The following CPNE5 variants were observed in gnomAD, a reference collection of about 807,000 sequenced individuals.
CPNE5 encodes copine 5.
Under a neutral mutation model 81.1 loss-of-function variants are expected in CPNE5, and 42 were observed. The ratio of observed to expected loss-of-function variants is 0.52; its 90% confidence interval spans 0.40 to 0.67. The LOEUF (loss-of-function observed/expected upper bound fraction) is 0.67, where lower values mean the gene tolerates loss of function less well. Ranked by LOEUF, CPNE5 falls within the 30% of genes least tolerant of loss-of-function variation. CPNE5 has a pLI of 0.00. For missense variants in CPNE5, 612 were observed against 815.5 expected, an observed-to-expected ratio of 0.75 and a Z score of 3.04; for synonymous variants, 313 against 321.5, an observed-to-expected ratio of 0.97 and a Z score of 0.28.
At chr6:36,756,339 G>T in intron 12 of CPNE5, 41 bp from the exon 13 acceptor site, 2 of 1,584,050 alleles carry the variant, frequency 1.3e-6, no homozygotes, top group South Asian at 1.1e-5. Context: ...ATGCTTCCAG[G>T]CAGTCAGGGT....
chr6:36,781,838 G>A (rs1381861458), intron 8 of CPNE5, among the ~76,000 whole-genome samples: 1 of 152,168 alleles, frequency 6.6e-6, no homozygotes. Flanking sequence ...TCTGCAGCTG[G>A]CCCTGTCTCC....
chr6:36,765,202 G>C, intron 11 of CPNE5, 133 bp downstream of exon 11: 483 of 499,838 alleles, frequency 9.7e-4, no homozygotes, highest in Middle Eastern at 2.4e-3. Context: ...CCACACACAC[G>C]CAAACCCAGG....
intron 6 of CPNE5, among the ~76,000 whole-genome samples, chr6:36,796,408 T>A (rs1309895083): frequency 6.6e-6 from 1 of 152,196 alleles, no homozygotes; most frequent in Non-Finnish European, 1.5e-5. Context: ...AAATGACTAG[T>A]GGCTTTGGAC....
intron 10 of CPNE5, among the ~76,000 whole-genome samples, chr6:36,768,255 G>A (rs1322195933): frequency 2.3e-4 from 3 of 13,300 alleles, no homozygotes; most frequent in Non-Finnish European, 3.7e-4. Flanking sequence ...TTTTTTTTGA[G>A]ACAGAGTCTC....
chr6:36,823,805 G>A (rs1367717487), intron 1 of CPNE5, among the ~76,000 whole-genome samples: 2 of 152,180 alleles, frequency 1.3e-5, no homozygotes, highest in Admixed American at 6.5e-5. Flanking sequence ...CAGGCAGTGC[G>A]CTGTTTTACA....
Position 36,742,297 on chromosome 6 carries a change from G to A in CPNE5, c.1753C>T (p.Pro585Ser), listed in dbSNP as rs771478101. ...SPSQSPARTPPASPLHTHI is the reference protein window; with the variant it reads ...SPSQSPARTPSASPLHTHI ...ATGTGCGTGTGCAGGGGGGACGCAGGGGGCGTGCGGGCTGGGGACTGCGAG... is the reference window on the plus strand; with the variant it reads ...ATGTGCGTGTGCAGGGGGGACGCAGAGGGCGTGCGGGCTGGGGACTGCGAG... The change falls in exon 21 of 21, where the codon CCT becomes TCT. Residue 585 changes from proline to serine, a missense_variant. By Grantham distance (74) the Pro-to-Ser change is moderately conservative. Coordinates refer to ENST00000244751, the MANE Select transcript of CPNE5 (RefSeq NM_020939.2). The A allele has an allele frequency of 2.5e-6, 4 of 1,602,358 alleles. No individual in the cohort carries two copies. Among genetic ancestry groups the A allele is most frequent in the Middle Eastern group, 1.7e-4 (1 of 5,972 alleles).
At chr6:36,818,293 C>A (rs1391455174) in intron 3 of CPNE5, among the ~76,000 whole-genome samples, 1 of 152,204 alleles carries the variant, frequency 6.6e-6, no homozygotes. Flanking sequence ...CTCCCATTTT[C>A]TTCCATCCAT....
chr6:36,753,190 G>A lies in CPNE5; in HGVS notation c.910-95C>T, dbSNP rs896388740. The A allele has an allele frequency of 1.3e-5, 13 of 1,030,120 alleles. No individual in the cohort carries two copies. The African/African-American group carries it at 1.9e-4, about 15-fold the overall frequency. The allele number at this position is 1,030,120 out of a possible 1,614,324, so 63.8% of individuals were successfully genotyped here. ...CTGACATTGACAGAACACTCGGCAT[G>A]TGCCAGTTTTGCATGCATGACTGCA... On this transcript the variant is annotated intron_variant, in intron 13 of 20. Transcript: ENST00000244751.
At chr6:36,796,460 T>G (rs771119620) in intron 6 of CPNE5, among the ~76,000 whole-genome samples, 1 of 152,118 alleles carries the variant, frequency 6.6e-6, no homozygotes, top group Non-Finnish European at 1.5e-5. Flanking sequence ...CCCTCCCTCA[T>G]AGGGCATCTC....
chr6:36,758,198 C>T (rs968276104), intron 12 of CPNE5, among the ~76,000 whole-genome samples: 7 of 152,112 alleles, frequency 4.6e-5, no homozygotes, highest in African/African-American at 1.7e-4. Flanking sequence ...ACCTGCCTCC[C>T]GGAAAGGTAT....
chr6:36,822,405 C>T (rs994312646), intron 2 of CPNE5, among the ~76,000 whole-genome samples: 2 of 151,948 alleles, frequency 1.3e-5, no homozygotes, highest in Non-Finnish European at 2.9e-5. Flanking sequence ...TGCACCGATT[C>T]GGAGGGGTTG....
At chr6:36,774,913 A>G (rs1439132761) in intron 10 of CPNE5, 48 bp downstream of exon 10, 2 of 1,179,110 alleles carry the variant, frequency 1.7e-6, no homozygotes, top group Admixed American at 1.8e-5. Context: ...GTGCTTGGGG[A>G]GGGCCCAGAA....
intron 8 of CPNE5, among the ~76,000 whole-genome samples, chr6:36,791,464 CCTT>C (rs1210690180): frequency 6.6e-6 from 1 of 152,148 alleles, no homozygotes; most frequent in Non-Finnish European, 1.5e-5. Flanking sequence ...CCCCTGAGCC[CCTT>C]CTTTGTGTGC....
In CPNE5 at chr6:36,742,039, G is replaced by A; in HGVS notation, c.*229C>T. ...TATTGGGGAAGAAGAGAAGGGCTGG[G>A]TCCCTGTGTACCCCTCTTTCACCCG... On this transcript the variant is annotated 3_prime_UTR_variant, in exon 21 of 21. Transcript: ENST00000244751. 1.9e-6 allele frequency: 1 copy of A among 523,102 alleles called. No individual in the cohort carries two copies. Among genetic ancestry groups the A allele is most frequent in the Non-Finnish European group, 3.4e-6 (1 of 294,372 alleles). The allele number at this position is 523,102 out of a possible 1,614,324, so 32.4% of individuals were successfully genotyped here.
At chr6:36,745,264 AG>A (rs1391575141) in intron 17 of CPNE5, 114 bp from the exon 18 acceptor site, 2 of 1,427,908 alleles carry the variant, frequency 1.4e-6, no homozygotes, top group Non-Finnish European at 1.9e-6. Context: ...GAATCTCTTC[AG>A]GGTCAGGGCT....
At chr6:36,822,996 G>A (rs888988758) in intron 2 of CPNE5, 62 bp downstream of exon 2, 15 of 1,390,970 alleles carry the variant, frequency 1.1e-5, no homozygotes, top group South Asian at 4.6e-5. Flanking sequence ...AAGCATTGCC[G>A]CTGTAATTAG....
Position 36,774,995 on chromosome 6 carries a change from G to A in CPNE5, c.703C>T (p.Pro235Ser). 2 of 1,614,194 alleles carry A rather than the reference G, an allele frequency of 1.2e-6. No individual in the cohort carries two copies. Among genetic ancestry groups the A allele is most frequent in the Middle Eastern group, 3.3e-4 (2 of 6,062 alleles). ...LNPVWQTFSI[P>S]VRALCNGDYD... ...TCGCCGTTGCAGAGGGCTCTCACGGGAATGGAGAAAGTTTGCCAGACTGGA... is the reference window on the plus strand; with the variant it reads ...TCGCCGTTGCAGAGGGCTCTCACGGAAATGGAGAAAGTTTGCCAGACTGGA... Residue 235 changes from proline (P) to serine (S), a missense_variant, in exon 10 of 21, where the codon CCC becomes TCC. Pro to Ser is a moderately conservative substitution (Grantham distance 74). Transcript: ENST00000244751.
rs115296281 is a variant in CPNE5, at chr6:36,748,790, C to T, written c.972-523G>A. ...GCTGTCTAGTTAGTTACAGGAAATA[C>T]AAGGGACAGAGGAACACATTAAATG... On this transcript the variant is annotated intron_variant, in intron 14 of 20. Transcript: ENST00000244751. Among the ~76,000 whole-genome samples, 685 of 152,250 alleles carry T rather than the reference C, an allele frequency of 4.5e-3. 8 individuals are homozygous for T. Among genetic ancestry groups the T allele is most frequent in the African/African-American group, 0.016 (649 of 41,524 alleles).
intron 11 of CPNE5, among the ~76,000 whole-genome samples, chr6:36,763,811 G>A (rs897414472): frequency 6.6e-6 from 1 of 152,132 alleles, no homozygotes; most frequent in African/African-American, 2.4e-5. Flanking sequence ...GGGATTAAAG[G>A]TGTTCATTAA....
Sources: allele counts gnomAD v4.1 joint callset (sites outside exome capture counted in the v4.1 genomes callset), GRCh38; gene constraint gnomAD v4.1.1; transcripts MANE v1.5; gene names NCBI Gene and HGNC (gene_info 2026-07-23, HGNC 2026-07-21).